ALPK1: variants seen among roughly 807,000 people sequenced by gnomAD.
The protein encoded by ALPK1 is alpha-protein kinase 1.
Under a neutral mutation model 120.6 loss-of-function variants are expected in ALPK1, and 110 were observed. That is an observed-to-expected ratio of 0.91 (90% CI 0.78 to 1.07). The LOEUF is 1.07. ALPK1 is among the 50% of genes least tolerant of loss of function. ALPK1 has a pLI of 0.00. For missense variants in ALPK1, 1,498 were observed against 1,483.9 expected, an observed-to-expected ratio of 1.01 and a Z score of -0.16; for synonymous variants, 582 against 560.3, an observed-to-expected ratio of 1.04 and a Z score of -0.55.
chr4:112,436,378 T>C (rs969363282), intron 12 of ALPK1, among the ~76,000 whole-genome samples: 4 of 152,186 alleles, frequency 2.6e-5, no homozygotes, highest in Admixed American at 2.0e-4. Context: ...GTCTAAGCAG[T>C]AGGGGCATGT....
intron 1 of ALPK1, among the ~76,000 whole-genome samples, chr4:112,309,010 C>T (rs1192538027): frequency 6.6e-6 from 1 of 152,132 alleles, no homozygotes; most frequent in Non-Finnish European, 1.5e-5. Context: ...TGCTGGAGGA[C>T]CACTCCAGAC....
chr4:112,322,679 A>C (rs1174659398), intron 2 of ALPK1, among the ~76,000 whole-genome samples: 1 of 152,178 alleles, frequency 6.6e-6, no homozygotes, highest in East Asian at 1.9e-4. Context: ...GGAGAAAAAC[A>C]AAAAATAGGA....
intron 11 of ALPK1, among the ~76,000 whole-genome samples, chr4:112,434,683 A>T (rs1299914939): frequency 6.6e-6 from 1 of 152,248 alleles, no homozygotes; most frequent in African/African-American, 2.4e-5. Context: ...AAAACAATGA[A>T]GAGAAAATTA....
intron 2 of ALPK1, among the ~76,000 whole-genome samples, chr4:112,321,360 T>A (rs1728861397): frequency 6.6e-6 from 1 of 152,230 alleles, no homozygotes; most frequent in South Asian, 2.1e-4. Context: ...TCTGCTCTGA[T>A]CTTTGTTATG....
chr4:112,403,882 G>A (rs150249617), intron 4 of ALPK1, among the ~76,000 whole-genome samples: 1 of 152,326 alleles, frequency 6.6e-6, no homozygotes, highest in African/African-American at 2.4e-5. Flanking sequence ...AATAGATTAG[G>A]CAGTGTTCTC....
At chr4:112,382,289 CTTT>C (rs34345428) in intron 3 of ALPK1, 106 bp from the exon 4 acceptor site, 23,671 of 663,366 alleles carry the variant, frequency 0.036, 18 homozygotes, top group East Asian at 0.065. Context: ...AGGTTTTTCT[CTTT>C]TTTTTTTTTT....
chr4:112,340,417 TA>T (rs1560643924), intron 2 of ALPK1, among the ~76,000 whole-genome samples: 1 of 151,960 alleles, frequency 6.6e-6, no homozygotes, highest in Admixed American at 6.6e-5. Flanking sequence ...TATCTGCTTC[TA>T]AAAAAAAGTG....
intron 2 of ALPK1, among the ~76,000 whole-genome samples, chr4:112,360,287 G>C (rs1730856141): frequency 6.6e-6 from 1 of 152,026 alleles, no homozygotes; most frequent in Non-Finnish European, 1.5e-5. Flanking sequence ...ATATTCCATT[G>C]TGTGTATATA....
intron 2 of ALPK1, among the ~76,000 whole-genome samples, chr4:112,372,422 G>A (rs906255406): frequency 6.6e-6 from 1 of 151,968 alleles, no homozygotes; most frequent in Non-Finnish European, 1.5e-5. Flanking sequence ...CCGTAGCCAG[G>A]ATGGTCTCAA....
At chr4:112,343,411 C>A (rs1026052657) in intron 2 of ALPK1, 3 of 152,138 alleles carry the variant, frequency 2.0e-5, no homozygotes, top group Non-Finnish European at 4.4e-5. Context: ...AGTTCACCTG[C>A]TTTGTGACTA....
At chr4:112,400,500 T>C (rs760681117) in intron 4 of ALPK1, among the ~76,000 whole-genome samples, 1 of 152,208 alleles carries the variant, frequency 6.6e-6, no homozygotes, top group Non-Finnish European at 1.5e-5. Context: ...GTAGTCCCAA[T>C]TGCCGGGCAG....
chr4:112,354,578 G>C (rs1206314710), intron 2 of ALPK1, among the ~76,000 whole-genome samples: 1 of 152,034 alleles, frequency 6.6e-6, no homozygotes, highest in East Asian at 1.9e-4. Flanking sequence ...AGTGAATCTC[G>C]AGCCTCAGCC....
At chr4:112,419,992 T>A (rs1733919631) in intron 5 of ALPK1, among the ~76,000 whole-genome samples, 1 of 152,242 alleles carries the variant, frequency 6.6e-6, no homozygotes, top group Non-Finnish European at 1.5e-5. Flanking sequence ...AGACAGGGGC[T>A]CTGTCTTGTT....
intron 14 of ALPK1, 59 bp from the exon 15 acceptor site, chr4:112,440,858 A>G (rs1735008376): frequency 2.8e-6 from 4 of 1,443,052 alleles, no homozygotes; most frequent in Non-Finnish European, 3.7e-6. Context: ...TATTTTTGTA[A>G]ACACTTGATG....
intron 4 of ALPK1, among the ~76,000 whole-genome samples, chr4:112,392,957 CA>C (rs1364976168): frequency 2.0e-5 from 3 of 152,218 alleles, no homozygotes; most frequent in Admixed American, 2.0e-4. Flanking sequence ...GGGCTGAAAG[CA>C]AAGAAGGTTT....
At chr4:112,416,046 C>T (rs765497688) in intron 5 of ALPK1, among the ~76,000 whole-genome samples, 12 of 152,184 alleles carry the variant, frequency 7.9e-5, no homozygotes, top group Non-Finnish European at 1.0e-4. Context: ...TTAATCTCCT[C>T]GATTCAGGCT....
intron 1 of ALPK1, among the ~76,000 whole-genome samples, chr4:112,315,129 G>T (rs942974217): frequency 2.6e-5 from 4 of 152,048 alleles, no homozygotes; most frequent in African/African-American, 7.2e-5. Context: ...TGATCCACCT[G>T]CCTCAGCCTC....
At chr4:112,365,726 C>T (rs945251123) in intron 2 of ALPK1, among the ~76,000 whole-genome samples, 1 of 151,906 alleles carries the variant, frequency 6.6e-6, no homozygotes, top group Admixed American at 6.6e-5. Context: ...CATATGGAAC[C>T]AAAAAAGAGA....
intron 2 of ALPK1, among the ~76,000 whole-genome samples, chr4:112,369,928 A>G (rs1222153091): frequency 1.3e-5 from 2 of 152,208 alleles, no homozygotes; most frequent in Non-Finnish European, 2.9e-5. Flanking sequence ...AGTAAAGATC[A>G]TCGCTCATAT....
Sources: allele counts gnomAD v4.1 joint callset (sites outside exome capture counted in the v4.1 genomes callset), GRCh38; gene constraint gnomAD v4.1.1; transcripts MANE v1.5; gene names NCBI Gene and HGNC (gene_info 2026-07-23, HGNC 2026-07-21).